MAMDC2: variants seen among roughly 807,000 people sequenced by gnomAD.
MAMDC2 encodes MAM domain containing 2, also known as MAM domain-containing protein 2.
MAMDC2 carries 57 observed loss-of-function variants against 89.8 expected under a neutral mutation model. The ratio of observed to expected loss-of-function variants is 0.63; its 90% confidence interval spans 0.51 to 0.79. MAMDC2 has a LOEUF of 0.79. Among genes scored for constraint, MAMDC2 ranks in the 30% least tolerant of loss-of-function variants. The pLI is 0.00. For missense variants in MAMDC2, 800 were observed against 820.6 expected, an observed-to-expected ratio of 0.97 and a Z score of 0.31; for synonymous variants, 313 against 293.4, an observed-to-expected ratio of 1.07 and a Z score of -0.68.
intron 5 of MAMDC2, among the ~76,000 whole-genome samples, chr9:70,119,196 A>G (rs2030170865): frequency 6.6e-6 from 1 of 152,042 alleles, no homozygotes; most frequent in Non-Finnish European, 1.5e-5. Flanking sequence ...AAAAAAAAAA[A>G]AAAAGATGAT....
At chr9:70,167,838 G>A (rs74423460) in intron 9 of MAMDC2, among the ~76,000 whole-genome samples, 10,491 of 152,170 alleles carry the variant, frequency 0.069, 574 homozygotes, top group East Asian at 0.22. Context: ...TGCATTTAGG[G>A]CTTTTATTAG....
rs1240901291 is a variant in MAMDC2, at chr9:70,147,611, C to T, written c.1404+3792C>T. ...CCCCACCATGTTAAAATGAATAAATCTCCCCCGACCCCGCATTTCCCTTCA... is the reference window on the plus strand; with the variant it reads ...CCCCACCATGTTAAAATGAATAAATTTCCCCCGACCCCGCATTTCCCTTCA... On this transcript the variant is annotated intron_variant, in intron 9 of 13. Coordinates refer to ENST00000377182, the MANE Select transcript of MAMDC2 (RefSeq NM_153267.5). Among the ~76,000 whole-genome samples, 2 of 150,144 alleles carry T rather than the reference C, an allele frequency of 1.3e-5. 1 individual carries two copies. Among genetic ancestry groups the T allele is most frequent in the Non-Finnish European group, 3.0e-5 (2 of 67,546 alleles).
chr9:70,075,691 A>C (rs1827514056), intron 2 of MAMDC2, among the ~76,000 whole-genome samples: 1 of 152,226 alleles, frequency 6.6e-6, no homozygotes, highest in Admixed American at 6.5e-5. Context: ...GGGATGCAGC[A>C]GTCCCACTTC....
At chr9:70,077,358 A>G (rs1002061291) in intron 2 of MAMDC2, among the ~76,000 whole-genome samples, 8 of 152,184 alleles carry the variant, frequency 5.3e-5, no homozygotes, top group African/African-American at 1.7e-4. Context: ...GTTATATCCA[A>G]GGTTAAACTG....
At chr9:70,130,283 A>G (rs577006669) in intron 6 of MAMDC2, among the ~76,000 whole-genome samples, 1 of 152,216 alleles carries the variant, frequency 6.6e-6, no homozygotes, top group East Asian at 1.9e-4. Context: ...CATATCAGCA[A>G]TTGATGAGGC....
intron 2 of MAMDC2, among the ~76,000 whole-genome samples, chr9:70,077,959 G>A (rs1482456170): frequency 6.6e-6 from 1 of 152,148 alleles, no homozygotes; most frequent in Admixed American, 6.5e-5. Context: ...AATTTCATTT[G>A]TATGTATGTG....
intron 2 of MAMDC2, among the ~76,000 whole-genome samples, chr9:70,100,202 T>C (rs1450134486): frequency 6.6e-6 from 1 of 152,200 alleles, no homozygotes. Flanking sequence ...TCTTATTTAA[T>C]CTTAAAAGAC....
intron 2 of MAMDC2, among the ~76,000 whole-genome samples, chr9:70,080,973 G>A (rs1441526322): frequency 1.3e-5 from 2 of 152,174 alleles, no homozygotes; most frequent in African/African-American, 4.8e-5. Context: ...GCTCACTGAG[G>A]TAGGCCCTTT....
chr9:70,219,870 T>C (rs1302261291), intron 12 of MAMDC2, among the ~76,000 whole-genome samples: 1 of 152,246 alleles, frequency 6.6e-6, no homozygotes, highest in East Asian at 1.9e-4. Flanking sequence ...ACTCCTTCTG[T>C]ATTCAAATGG....
Position 70,141,187 on chromosome 9 carries a change from G to C in MAMDC2, c.1138+899G>C, listed in dbSNP as rs925108950. ...ATTTTGTATTCTTTTCTTAGAGGTT[G>C]CCTAACCTGTAGAAATAAAGGCCCT... On this transcript the variant is annotated intron_variant, in intron 8 of 13. Transcript: ENST00000377182. Among the ~76,000 whole-genome samples, 10 of 152,278 alleles carry C rather than the reference G, an allele frequency of 6.6e-5. No homozygotes were observed. In the East Asian group the frequency reaches 1.7e-3, roughly 26 times the overall value.
At chr9:70,044,905 T>C (rs1250125492) in intron 2 of MAMDC2, among the ~76,000 whole-genome samples, 1 of 152,272 alleles carries the variant, frequency 6.6e-6, no homozygotes, top group Admixed American at 6.5e-5. Flanking sequence ...TTTGTTTACC[T>C]GGCCTATGGG....
intron 2 of MAMDC2, among the ~76,000 whole-genome samples, chr9:70,051,423 A>G (rs957895375): frequency 5.3e-5 from 8 of 152,286 alleles, no homozygotes; most frequent in African/African-American, 1.9e-4. Flanking sequence ...GAAAAAAATA[A>G]TTTTTGTCAG....
rs183293476 is a variant in MAMDC2 at position 70,211,832 on chromosome 9, G to A, written c.1652-6505G>A. On this transcript the variant is annotated intron_variant, in intron 11 of 13. Transcript: ENST00000377182. Reference sequence around the variant, plus strand: ...GTGTGGATGTCCTTTCTGTTCATTAGTTTTCTTTCTAACAGTCAGGACCCT... The same window carrying A: ...GTGTGGATGTCCTTTCTGTTCATTAATTTTCTTTCTAACAGTCAGGACCCT... 5.0e-4 allele frequency among the ~76,000 whole-genome samples: 76 copies of A among 152,238 alleles called. 2 individuals are homozygous for A. The East Asian group carries it at 0.011, about 22-fold the overall frequency.
At chr9:70,212,805 C>G (rs911038956) in intron 11 of MAMDC2, among the ~76,000 whole-genome samples, 1 of 152,136 alleles carries the variant, frequency 6.6e-6, no homozygotes, top group African/African-American at 2.4e-5. Context: ...AACTGGAAAC[C>G]TTAGTGAATA....
intron 2 of MAMDC2, among the ~76,000 whole-genome samples, chr9:70,084,510 G>T (rs1465671579): frequency 2.0e-5 from 3 of 151,982 alleles, no homozygotes; most frequent in Non-Finnish European, 4.4e-5. Flanking sequence ...CGCTAGATAG[G>T]TATCCCCAGT....
At chr9:70,159,074 A>T (rs543284352) in intron 9 of MAMDC2, among the ~76,000 whole-genome samples, 14 of 151,954 alleles carry the variant, frequency 9.2e-5, no homozygotes, top group Admixed American at 9.2e-4. Flanking sequence ...ACACACACAC[A>T]CACACGTATA....
chr9:70,151,879 C>CTA (rs1034976444), intron 9 of MAMDC2, among the ~76,000 whole-genome samples: 6 of 152,108 alleles, frequency 3.9e-5, no homozygotes, highest in Non-Finnish European at 7.3e-5. Flanking sequence ...TGTCACCTGC[C>CTA]TATGCTTTTT....
chr9:70,208,918 T>G (rs1186675918), intron 11 of MAMDC2, among the ~76,000 whole-genome samples: 1 of 152,226 alleles, frequency 6.6e-6, no homozygotes, highest in East Asian at 1.9e-4. Flanking sequence ...GTTCTGTTTA[T>G]ATGATGGACT....
At chr9:70,221,403 A>AGAGAGAGAGAGAGAGG in intron 12 of MAMDC2, among the ~76,000 whole-genome samples, 1 of 122,954 alleles carries the variant, frequency 8.1e-6, no homozygotes, top group East Asian at 2.4e-4. Flanking sequence ...AGAGAGAGAG[A>AGAGAGAGAGAGAGAGG]GAGAGTAACA....
Sources: gnomAD v4.1 joint callset for allele counts (sites outside exome capture counted in the v4.1 genomes callset) on GRCh38, gnomAD v4.1.1 for gene constraint, MANE v1.5 for transcripts, NCBI Gene and HGNC (gene_info 2026-07-23, HGNC 2026-07-21) for gene names.